PCNX2: variants seen among roughly 807,000 people sequenced by gnomAD.
PCNX2 encodes pecanex-like protein 2.
A neutral mutation model predicts 223.8 loss-of-function variants in PCNX2; 168 were observed. The observed-to-expected ratio is 0.75, with a 90% CI of 0.66 to 0.85. PCNX2 has a LOEUF of 0.85. Ranked by LOEUF, PCNX2 falls within the 40% of genes least tolerant of loss-of-function variation. PCNX2 has a pLI of 0.00. For synonymous variants in PCNX2, 1,006 were observed against 1,052.6 expected, an observed-to-expected ratio of 0.96 and a Z score of 0.86; for missense variants, 2,507 against 2,675.5, an observed-to-expected ratio of 0.94 and a Z score of 1.39.
chr1:233,262,282 C>A (rs1356701963), intron 2 of PCNX2, 117 bp from the exon 3 acceptor site: 1 of 1,281,788 alleles, frequency 7.8e-7, no homozygotes, highest in Non-Finnish European at 1.1e-6. Flanking sequence ...ATATTCCTTA[C>A]ATATAAATCT....
intron 32 of PCNX2, among the ~76,000 whole-genome samples, chr1:232,997,195 G>A (rs1160281544): frequency 6.6e-6 from 1 of 152,146 alleles, no homozygotes. Flanking sequence ...TCTGTCGCTT[G>A]TGTCCTTTTT....
At chr1:233,252,597 T>C (rs1558393592) in intron 6 of PCNX2, 44 bp downstream of exon 6, 1 of 1,598,182 alleles carries the variant, frequency 6.3e-7, no homozygotes, top group South Asian at 1.1e-5. Flanking sequence ...GGCTGTCTCA[T>C]GCTTTATGAC....
chr1:233,079,383 G>A (rs1201258316), intron 23 of PCNX2, among the ~76,000 whole-genome samples: 2 of 151,906 alleles, frequency 1.3e-5, no homozygotes, highest in Non-Finnish European at 2.9e-5. Context: ...ACATTAGTAG[G>A]GCATGGTGGC....
intron 28 of PCNX2, among the ~76,000 whole-genome samples, chr1:233,012,804 T>A (rs1434909563): frequency 6.6e-6 from 1 of 152,158 alleles, no homozygotes; most frequent in Admixed American, 6.5e-5. Context: ...TGAGATAATA[T>A]TTGCAACTTG....
rs772629328 is a variant in PCNX2, at chr1:232,999,314, G to A, written c.5394C>T (p.Asn1798=). The change falls in exon 31 of 34, where the codon AAC becomes AAT. Residue 1798 remains asparagine (N), a synonymous_variant. Coordinates refer to ENST00000258229, the MANE Select transcript of PCNX2 (RefSeq NM_014801.4). The part of the protein sequence containing the change: ...GQQQELIFLR[N]RNPERGSIQN... Reference sequence around the variant, plus strand: ...GGATACTGCCGCGCTCCGGATTGCGGTTGCGAAGAAATATAAGCTCCTGCT... The same window carrying A: ...GGATACTGCCGCGCTCCGGATTGCGATTGCGAAGAAATATAAGCTCCTGCT... 16 of 1,607,036 alleles carry A rather than the reference G, an allele frequency of 1.0e-5. No individual in the cohort carries two copies. Among genetic ancestry groups the A allele is most frequent in the African/African-American group, 1.3e-5 (1 of 74,928 alleles).
chr1:233,274,539 A>C (rs771649390), intron 1 of PCNX2, among the ~76,000 whole-genome samples: 21 of 152,248 alleles, frequency 1.4e-4, no homozygotes, highest in African/African-American at 4.6e-4. Flanking sequence ...AAAGTCAAGC[A>C]TGAGAGTAGA....
At chr1:233,193,145 A>G (rs1680516646) in intron 15 of PCNX2, among the ~76,000 whole-genome samples, 1 of 149,762 alleles carries the variant, frequency 6.7e-6, no homozygotes, top group Admixed American at 6.6e-5. Flanking sequence ...TATAATTCCT[A>G]GTACACAATA....
chr1:232,994,863 C>T (rs765450990), intron 32 of PCNX2, among the ~76,000 whole-genome samples: 1 of 152,184 alleles, frequency 6.6e-6, no homozygotes, highest in Admixed American at 6.5e-5. Context: ...TCACGTTCCA[C>T]CATAATTGTA....
At chr1:233,205,705 AAAAC>A (rs1256814170) in intron 13 of PCNX2, among the ~76,000 whole-genome samples, 1 of 152,100 alleles carries the variant, frequency 6.6e-6, no homozygotes, top group African/African-American at 2.4e-5. Flanking sequence ...AAAAAAAAAA[AAAAC>A]AAAACAAAAC....
chr1:233,196,574 T>C (rs916150624), intron 15 of PCNX2, among the ~76,000 whole-genome samples: 2 of 152,278 alleles, frequency 1.3e-5, no homozygotes, highest in South Asian at 2.1e-4. Context: ...TTTTCATCAA[T>C]GAAGTTATAC....
intron 28 of PCNX2, among the ~76,000 whole-genome samples, chr1:233,007,528 ATCT>A (rs1319006620): frequency 6.6e-6 from 1 of 151,958 alleles, no homozygotes; most frequent in African/African-American, 2.4e-5. Context: ...AACTGGAGTC[ATCT>A]TCTTCTTTTT....
chr1:233,073,546 C>T (rs1033632416), intron 23 of PCNX2, among the ~76,000 whole-genome samples: 2 of 151,944 alleles, frequency 1.3e-5, no homozygotes, highest in Non-Finnish European at 2.9e-5. Flanking sequence ...AATCCTCCTG[C>T]CTCAGCCTCT....
At chr1:233,305,333 T>C in the PCNX2 span, among the ~76,000 whole-genome samples, 1 of 152,234 alleles carries the variant, frequency 6.6e-6, no homozygotes, top group Non-Finnish European at 1.5e-5. Context: ...GTTATATTGT[T>C]AGTTTTTATA....
intron 1 of PCNX2, among the ~76,000 whole-genome samples, chr1:233,278,000 T>G (rs747593667): frequency 5.3e-5 from 8 of 152,236 alleles, no homozygotes; most frequent in Non-Finnish European, 8.8e-5. Context: ...ATTGATTAAT[T>G]AGTAAAGGGT....
chr1:233,084,806 G>C (rs1015263533), intron 23 of PCNX2, among the ~76,000 whole-genome samples: 20 of 152,174 alleles, frequency 1.3e-4, no homozygotes, highest in African/African-American at 4.8e-4. Context: ...TTTCTAAAAT[G>C]CTCTGACATT....
chr1:233,069,443 T>TA (rs1672754468), intron 23 of PCNX2, among the ~76,000 whole-genome samples: 2 of 152,184 alleles, frequency 1.3e-5, no homozygotes, highest in Non-Finnish European at 1.5e-5. Context: ...TGTACCAAGA[T>TA]AGACCATTTT....
intron 15 of PCNX2, among the ~76,000 whole-genome samples, chr1:233,197,357 G>A (rs1456475549): frequency 6.6e-6 from 1 of 152,108 alleles, no homozygotes; most frequent in Non-Finnish European, 1.5e-5. Context: ...GAGTTGTATA[G>A]GCAGCCATTT....
At chr1:233,040,684 C>T (rs1671612314) in intron 25 of PCNX2, among the ~76,000 whole-genome samples, 1 of 152,094 alleles carries the variant, frequency 6.6e-6, no homozygotes, top group Non-Finnish European at 1.5e-5. Flanking sequence ...CAGTCACTCT[C>T]TCCACCACGC....
the PCNX2 span, among the ~76,000 whole-genome samples, chr1:233,309,582 A>G: frequency 6.6e-6 from 1 of 151,178 alleles, no homozygotes; most frequent in South Asian, 2.1e-4. Flanking sequence ...AAAAATATAT[A>G]CAAAACTTAA....
Sources: gnomAD v4.1 joint callset for allele counts (sites outside exome capture counted in the v4.1 genomes callset) on GRCh38, gnomAD v4.1.1 for gene constraint, MANE v1.5 for transcripts, NCBI Gene and HGNC (gene_info 2026-07-23, HGNC 2026-07-21) for gene names.